The following PLEKHD1 variants were observed in gnomAD, a reference collection of about 807,000 sequenced individuals.
The protein encoded by PLEKHD1 is pleckstrin homology domain-containing family D member 1.
PLEKHD1 carries 51 observed loss-of-function variants against 69.2 expected under a neutral mutation model. That is an observed-to-expected ratio of 0.74 (90% CI 0.59 to 0.93). The LOEUF (loss-of-function observed/expected upper bound fraction) is 0.93. Among genes scored for constraint, PLEKHD1 ranks in the 40% least tolerant of loss-of-function variants. The pLI is 0.00. For missense variants in PLEKHD1, 584 were observed against 641.0 expected (o/e 0.91, Z 0.96); for synonymous variants, 236 against 244.7 (o/e 0.96, Z 0.33).
At chr14:69,472,817 G>T in the PLEKHD1 span, among the ~76,000 whole-genome samples, 9 of 152,156 alleles carry the variant, frequency 5.9e-5, no homozygotes, top group Non-Finnish European at 8.8e-5. Flanking sequence ...GACCAGTACT[G>T]GTCCTTGGCC....
chr14:69,484,869 GA>G lies in PLEKHD1; in HGVS notation c.-96del. The G allele has an allele frequency of 7.1e-7, 1 of 1,398,866 alleles. No homozygotes were observed. Among genetic ancestry groups the G allele is most frequent in the Non-Finnish European group, 9.6e-7 (1 of 1,038,600 alleles). 86.7% of individuals were successfully genotyped at this position (1,398,866 alleles called of 1,614,324 possible). A position where few individuals can be genotyped will look rare whatever the true frequency, so the allele number is the denominator to read the frequency against. On this transcript the variant is annotated 5_prime_UTR_variant, in exon 1 of 13. An upstream open reading frame in the 5' UTR gains an earlier in-frame stop. Coordinates refer to ENST00000322564, the MANE Select transcript of PLEKHD1 (RefSeq NM_001161498.2). ...GCCGCTCTGCTTCTCTGCTCGCTGG[GA>G]CGCTCTCCGACGGCTCCGCCCTCGC...
upstream of PLEKHD1, among the ~76,000 whole-genome samples, chr14:69,479,804 C>T (rs534078400): frequency 1.3e-5 from 2 of 152,242 alleles, no homozygotes; most frequent in African/African-American, 4.8e-5. Flanking sequence ...ACACTAGAAG[C>T]AGGTGACCAA....
intron 6 of PLEKHD1, among the ~76,000 whole-genome samples, chr14:69,510,892 T>A (rs1883255975): frequency 6.6e-6 from 1 of 152,160 alleles, no homozygotes; most frequent in African/African-American, 2.4e-5. Context: ...TAGCTGTAGG[T>A]GTTTGTAGAT....
chr14:69,484,211 G>T (rs1013288097), upstream of PLEKHD1, among the ~76,000 whole-genome samples: 1 of 152,206 alleles, frequency 6.6e-6, no homozygotes, highest in Non-Finnish European at 1.5e-5. Flanking sequence ...AGTCCTACCT[G>T]GCCACCCGCC....
intron 6 of PLEKHD1, among the ~76,000 whole-genome samples, chr14:69,508,184 G>A (rs1049587815): frequency 1.6e-4 from 25 of 152,102 alleles, no homozygotes; most frequent in Non-Finnish European, 2.9e-4. Flanking sequence ...TGAGGCAGGC[G>A]GATCATGAGA....
At chr14:69,485,440 C>G (rs1882635379) in intron 1 of PLEKHD1, among the ~76,000 whole-genome samples, 1 of 152,196 alleles carries the variant, frequency 6.6e-6, no homozygotes, top group Non-Finnish European at 1.5e-5. Flanking sequence ...TGAGGGGAGG[C>G]AGAAACTCCA....
At chr14:69,502,546 C>A in intron 5 of PLEKHD1, 1 of 459,090 alleles carries the variant, frequency 2.2e-6, no homozygotes, top group South Asian at 2.2e-5. Context: ...TGGGACTAGC[C>A]CAGGTGCAGC....
Position 69,529,991 on chromosome 14 carries a change from C to T in PLEKHD1, c.*1572C>T, listed in dbSNP as rs759750235. 5 of 152,310 alleles carry T rather than the reference C, an allele frequency of 3.3e-5. No individual in the cohort carries two copies. The highest frequency in any genetic ancestry group is 6.5e-5 in the Admixed American group (1 of 15,276). The allele number at this position is 152,310 out of a possible 1,614,324, so 9.4% of individuals were successfully genotyped here. On this transcript the variant is annotated 3_prime_UTR_variant, in exon 13 of 13. Transcript: ENST00000322564. ...TATTGGCCTCCAGAAAAGGGGTCCA[C>T]CTGGGATCAGGGTGCTCTTGGACAC... is the stretch of plus-strand genomic sequence containing the variant.
At chr14:69,479,255 T>G in the PLEKHD1 span, among the ~76,000 whole-genome samples, 3 of 152,116 alleles carry the variant, frequency 2.0e-5, no homozygotes, top group Admixed American at 6.5e-5. Flanking sequence ...ACTAGTACTC[T>G]CCCACAACAC....
At chr14:69,472,191 C>T in the PLEKHD1 span, among the ~76,000 whole-genome samples, 4 of 152,154 alleles carry the variant, frequency 2.6e-5, no homozygotes, top group Non-Finnish European at 4.4e-5. Flanking sequence ...GCGGCACACC[C>T]AACACCACAG....
intron 6 of PLEKHD1, among the ~76,000 whole-genome samples, chr14:69,508,015 A>G (rs1327721592): frequency 6.6e-6 from 1 of 152,160 alleles, no homozygotes; most frequent in Non-Finnish European, 1.5e-5. Flanking sequence ...CACTTTCATG[A>G]GTTTAGCGGT....
intron 6 of PLEKHD1, among the ~76,000 whole-genome samples, chr14:69,509,508 T>C (rs1466002458): frequency 6.6e-6 from 1 of 152,214 alleles, no homozygotes; most frequent in African/African-American, 2.4e-5. Context: ...CTAGGAGTTG[T>C]ATACTTTTGT....
At chr14:69,522,879 T>G (rs1002977881) in intron 7 of PLEKHD1, among the ~76,000 whole-genome samples, 2 of 152,052 alleles carry the variant, frequency 1.3e-5, no homozygotes, top group Non-Finnish European at 2.9e-5. Context: ...TCTCTCTCTA[T>G]ATATATACAT....
intron 6 of PLEKHD1, among the ~76,000 whole-genome samples, chr14:69,503,991 G>A (rs1304471190): frequency 1.3e-5 from 2 of 152,068 alleles, no homozygotes; most frequent in Non-Finnish European, 2.9e-5. Flanking sequence ...GAGCCAGGCT[G>A]CCTGTATTTG....
At chr14:69,478,089 G>T in the PLEKHD1 span, among the ~76,000 whole-genome samples, 8 of 152,256 alleles carry the variant, frequency 5.3e-5, no homozygotes, top group Non-Finnish European at 8.8e-5. Context: ...TGTAGGCAGA[G>T]GCTCCCAAAC....
chr14:69,510,838 T>A (rs1883254567), intron 6 of PLEKHD1, among the ~76,000 whole-genome samples: 1 of 152,248 alleles, frequency 6.6e-6, no homozygotes, highest in Admixed American at 6.5e-5. Flanking sequence ...TCCTTTCTGA[T>A]CTTATCAGGC....
chr14:69,491,822 T>C (rs1207782283), intron 1 of PLEKHD1, among the ~76,000 whole-genome samples: 1 of 152,204 alleles, frequency 6.6e-6, no homozygotes, highest in Non-Finnish European at 1.5e-5. Flanking sequence ...CTAATTCATA[T>C]TGGATGGCAC....
At chr14:69,510,368 C>T (rs901457489) in intron 6 of PLEKHD1, among the ~76,000 whole-genome samples, 2 of 152,112 alleles carry the variant, frequency 1.3e-5, no homozygotes, top group Admixed American at 6.6e-5. Flanking sequence ...TCTTTTATTA[C>T]ATTCTGTAGT....
At chr14:69,479,853 C>T (rs1015144245), upstream of PLEKHD1, among the ~76,000 whole-genome samples, 1 of 152,064 alleles carries the variant, frequency 6.6e-6, no homozygotes, top group African/African-American at 2.4e-5. Context: ...CGTTCCCAAC[C>T]CCCCCGCCAC....
Sources: gnomAD v4.1 joint callset for allele counts (sites outside exome capture counted in the v4.1 genomes callset) on GRCh38, gnomAD v4.1.1 for gene constraint, MANE v1.5 for transcripts, NCBI Gene and HGNC (gene_info 2026-07-23, HGNC 2026-07-21) for gene names.